PCDHA8: variants seen among roughly 807,000 people sequenced by gnomAD.
The protein encoded by PCDHA8 is protocadherin alpha 8, also known as protocadherin alpha-8.
A neutral mutation model predicts 61.8 loss-of-function variants in PCDHA8; 53 were observed. The ratio of observed to expected loss-of-function variants is 0.86; its 90% CI spans 0.69 to 1.08. The LOEUF (loss-of-function observed/expected upper bound fraction) is 1.08. Among genes scored for constraint, PCDHA8 ranks in the 50% least tolerant of loss-of-function variants. The pLI, the probability that PCDHA8 is intolerant of heterozygous loss-of-function variation, is 0.00. For missense variants in PCDHA8, 1,293 were observed against 1,245.0 expected, an observed-to-expected ratio of 1.04 and a Z score of -0.58; for synonymous variants, 618 against 556.6, an observed-to-expected ratio of 1.11 and a Z score of -1.55.
At position 141,010,067 on chromosome 5, in the gene PCDHA8, G is replaced by C; in HGVS notation, c.*130G>C. 6.2e-7 allele frequency: 1 copy of C among 1,604,516 alleles called. No homozygotes were observed. The highest frequency in any genetic ancestry group is 1.1e-5 in the South Asian group (1 of 89,502). ...TAGAGACCTCAGAAATCTGCAGAAA[G>C]TTCCCTGTGTCTGTCTAGAACGCAT... On this transcript the variant is annotated 3_prime_UTR_variant, in exon 4 of 4. Coordinates refer to ENST00000531613, the MANE Select transcript of PCDHA8 (RefSeq NM_018911.3).
In PCDHA8 at chr5:141,002,410, T is replaced by C. The variant is rs1034024595; in HGVS notation, c.2543-7217T>C. 2.2e-4 allele frequency among the ~76,000 whole-genome samples: 33 copies of C among 152,326 alleles called. 1 individual carries two copies. The highest frequency in any genetic ancestry group is 7.5e-4 in the African/African-American group (31 of 41,578). On this transcript the variant is annotated intron_variant, in intron 3 of 3. Coordinates refer to ENST00000531613, the MANE Select transcript of PCDHA8 (RefSeq NM_018911.3). The stretch of plus-strand genomic sequence containing the variant: ...TGCTGGCATCTCTGTGCCTCCCAAA[T>C]AGTAGTAACAAAACAGGCAATAACC...
At chr5:140,876,918 G>A (rs2056694252) in intron 1 of PCDHA8, 4 of 1,613,936 alleles carry the variant, frequency 2.5e-6, no homozygotes, top group East Asian at 2.2e-5. Context: ...CATGGGACGC[G>A]GACGCGCAGA....
At chr5:141,009,118 C>G (rs2098400274) in intron 3 of PCDHA8, among the ~76,000 whole-genome samples, 1 of 152,182 alleles carries the variant, frequency 6.6e-6, no homozygotes, top group Non-Finnish European at 1.5e-5. Flanking sequence ...AAACTAGATT[C>G]TTGGTATCCT....
At chr5:140,935,676 A>G (rs1168512325) in intron 1 of PCDHA8, among the ~76,000 whole-genome samples, 1 of 152,166 alleles carries the variant, frequency 6.6e-6, no homozygotes, top group Non-Finnish European at 1.5e-5. Context: ...TATGTGAAAT[A>G]TTTACATGGC....
At chr5:140,869,980 A>G (rs782258774) in intron 1 of PCDHA8, 91 of 1,613,262 alleles carry the variant, frequency 5.6e-5, no homozygotes, top group Non-Finnish European at 7.5e-5. Context: ...ACACTTATTT[A>G]CACTAGATCA....
Position 140,874,848 on chromosome 5 carries a change from T to G in PCDHA8, c.2394+31133T>G, listed in dbSNP as rs143666233. ...GAAATATTGTTTGGTATTAGACATATTTTAGTTTCTTATCCTTTGTTAAAT... is the reference window on the plus strand; with the variant it reads ...GAAATATTGTTTGGTATTAGACATAGTTTAGTTTCTTATCCTTTGTTAAAT... On this transcript the variant is annotated intron_variant, in intron 1 of 3. Transcript: ENST00000531613. Among the ~76,000 whole-genome samples the G allele has an allele frequency of 6.0e-4, 92 of 152,344 alleles. 1 individual carries two copies. The East Asian group carries it at 0.017, about 27-fold the overall frequency.
rs2150340320 is a variant in PCDHA8, at chr5:140,842,603, C to A, written c.1282C>A (p.Arg428=). 1.9e-6 allele frequency: 3 copies of A among 1,548,222 alleles called. No homozygotes were observed. The highest frequency in any genetic ancestry group is 2.6e-6 in the Non-Finnish European group (3 of 1,135,656). The change falls in exon 1 of 4, where the codon CGG becomes AGG. Residue 428 remains arginine (R), a synonymous_variant. Transcript: ENST00000531613. ...VSAYELVVTA[R]DGGSPSLWAT... ...GGCCTATGAGTTGGTGGTAACCGCG[C>A]GGGACGGGGGCTCGCCTTCGCTGTG...
chr5:140,859,468 C>T, intron 1 of PCDHA8: 1 of 211,932 alleles, frequency 4.7e-6, no homozygotes, highest in Non-Finnish European at 9.2e-6. Flanking sequence ...ACTACACTAT[C>T]AATTGTGTTT....
intron 1 of PCDHA8, among the ~76,000 whole-genome samples, chr5:140,899,099 A>G (rs1379248424): frequency 6.6e-6 from 1 of 152,162 alleles, no homozygotes; most frequent in African/African-American, 2.4e-5. Context: ...GGCTGAGATA[A>G]TGGGGTTTTC....
chr5:140,923,039 A>G (rs998399771), intron 1 of PCDHA8, among the ~76,000 whole-genome samples: 2 of 152,236 alleles, frequency 1.3e-5, no homozygotes, highest in Non-Finnish European at 2.9e-5. Context: ...TACTACATGT[A>G]TAGTATTTAG....
Position 141,009,714 on chromosome 5 carries a change from A to G in PCDHA8, c.2630A>G (p.Lys877Arg), listed in dbSNP as rs1175529844. 1 of 1,613,966 alleles carries G rather than the reference A, an allele frequency of 6.2e-7. No homozygotes were observed. Among genetic ancestry groups the G allele is most frequent in the Non-Finnish European group, 8.5e-7 (1 of 1,180,012 alleles). Reference protein sequence around the residue: ...WTFKYGPGNPKQSGPGELPDK... With the variant: ...WTFKYGPGNPRQSGPGELPDK... ...TTTAAATACGGACCAGGCAACCCCA[A>G]ACAATCCGGTCCCGGTGAGTTGCCC... The change falls in exon 4 of 4, where the codon AAA becomes AGA. Residue 877 changes from lysine to arginine, a missense_variant. By Grantham distance (26) the Lys-to-Arg change is conservative. Transcript: ENST00000531613.
chr5:140,974,057 G>A (rs1302269611), intron 1 of PCDHA8, among the ~76,000 whole-genome samples: 1 of 152,154 alleles, frequency 6.6e-6, no homozygotes, highest in Non-Finnish European at 1.5e-5. Flanking sequence ...ATAATATTTG[G>A]AGCAGTATAA....
intron 1 of PCDHA8, among the ~76,000 whole-genome samples, chr5:140,888,064 G>A (rs1353857736): frequency 6.6e-6 from 1 of 151,950 alleles, no homozygotes; most frequent in Non-Finnish European, 1.5e-5. Context: ...TAACTTTCTT[G>A]TCTGCTAATT....
intron 1 of PCDHA8, among the ~76,000 whole-genome samples, chr5:140,844,545 C>G (rs979935361): frequency 6.7e-6 from 1 of 149,334 alleles, no homozygotes; most frequent in South Asian, 2.1e-4. Context: ...ACCCTTTGTT[C>G]ATGAGTTGGA....
At chr5:140,857,947 G>A in intron 1 of PCDHA8, 4 of 1,597,414 alleles carry the variant, frequency 2.5e-6, no homozygotes, top group Non-Finnish European at 2.6e-6. Context: ...TCAGTACGAC[G>A]CGCGCTCTGG....
intron 1 of PCDHA8, chr5:140,869,955 T>G: frequency 2.5e-6 from 4 of 1,612,860 alleles, no homozygotes; most frequent in Non-Finnish European, 3.4e-6. Flanking sequence ...TAATGTCAAT[T>G]AAGCCCAATG....
chr5:140,856,327 G>C, intron 1 of PCDHA8: 1 of 1,598,708 alleles, frequency 6.3e-7, no homozygotes, highest in Non-Finnish European at 8.6e-7. Flanking sequence ...ACCGCGAGGA[G>C]CTGTGCGGGC....
intron 1 of PCDHA8, chr5:140,928,181 C>T (rs782130459): frequency 2.5e-6 from 4 of 1,614,186 alleles, no homozygotes; most frequent in Non-Finnish European, 3.4e-6. Flanking sequence ...ACCCGAAGGA[C>T]AATCACTGTG....
intron 3 of PCDHA8, among the ~76,000 whole-genome samples, chr5:140,984,149 G>C (rs2097089041): frequency 6.6e-6 from 1 of 152,198 alleles, no homozygotes; most frequent in Non-Finnish European, 1.5e-5. Context: ...CATCTGGGAA[G>C]GTGAGAACTT....
Sources: allele counts gnomAD v4.1 joint callset (sites outside exome capture counted in the v4.1 genomes callset), GRCh38; gene constraint gnomAD v4.1.1; transcripts MANE v1.5; gene names NCBI Gene and HGNC (gene_info 2026-07-23, HGNC 2026-07-21).